Variants in ZEB2 observed in about 807,000 individuals in gnomAD.
ZEB2 encodes the protein zinc finger E-box binding homeobox 2, also known as zinc finger E-box-binding homeobox 2.
Under a neutral mutation model 99.9 loss-of-function variants are expected in ZEB2, and 6 were observed. That is an observed-to-expected ratio of 0.06 (90% CI 0.03 to 0.12). The LOEUF is 0.12. Ranked by LOEUF, ZEB2 falls within the 10% of genes least tolerant of loss-of-function variation. ZEB2 has a pLI of 1.00. For synonymous variants in ZEB2, 517 were observed against 542.5 expected (o/e 0.95, Z 0.65); for missense variants, 969 against 1,502.8 (o/e 0.64, Z 5.87).
intron 2 of ZEB2, chr2:144,496,256 A>G (rs1423422267): frequency 3.3e-5 from 5 of 152,194 alleles, no homozygotes; most frequent in South Asian, 4.1e-4. Context: ...AAGGCCGAGG[A>G]AGGCCTTAAT....
At chr2:144,397,842 T>C (rs777073160) in intron 8 of ZEB2, 4 of 294,612 alleles carry the variant, frequency 1.4e-5, no homozygotes, top group Non-Finnish European at 2.6e-5. Context: ...TGTTTTACCA[T>C]GTTGGCCAGG....
chr2:144,517,736 C>G, intron 1 of ZEB2: 2 of 699,970 alleles, frequency 2.9e-6, no homozygotes, highest in South Asian at 1.5e-5. Context: ...TGACTCAGGG[C>G]TAGGCGGACC....
chr2:144,394,908 A>G (rs1057089878), intron 9 of ZEB2, among the ~76,000 whole-genome samples: 4 of 151,914 alleles, frequency 2.6e-5, no homozygotes, highest in African/African-American at 9.7e-5. Context: ...AGTACTTCCC[A>G]AGGACAGTTT....
Position 144,396,487 on chromosome 2 carries a change from T to C in ZEB2, c.2992A>G (p.Met998Val). 6.2e-7 allele frequency: 1 copy of C among 1,614,178 alleles called. No individual in the cohort carries two copies. The highest frequency in any genetic ancestry group is 8.5e-7 in the Non-Finnish European group (1 of 1,180,006). Residue 998 changes from methionine to valine, a missense_variant, in exon 9 of 10, where the codon ATG becomes GTG. Physicochemically the swap from Met to Val is conservative, Grantham distance 21. Around this residue, in one of 8 missense-constraint regions of ZEB2, gnomAD observed 346 missense variants for 460.0 expected, o/e 0.75. Coordinates refer to ENST00000627532, the MANE Select transcript of ZEB2 (RefSeq NM_014795.4). ...RKKIKKTESG[M>V]YACDLCDKTF... ...TTGTCACATAAGTCACATGCATACATGCCACTCTCTGTCTTCTTGATCTTT... is the reference window on the plus strand; with the variant it reads ...TTGTCACATAAGTCACATGCATACACGCCACTCTCTGTCTTCTTGATCTTT...
At chr2:144,422,794 T>A (rs1223170658) in intron 4 of ZEB2, among the ~76,000 whole-genome samples, 1 of 151,478 alleles carries the variant, frequency 6.6e-6, no homozygotes, top group African/African-American at 2.5e-5. Flanking sequence ...AGTGACACTC[T>A]TGTCTCAAAC....
chr2:144,430,030 CAGA>C lies in ZEB2; in HGVS notation c.74-7_74-5del. On this transcript the variant is annotated splice_region_variant and splice_polypyrimidine_tract_variant and intron_variant, in intron 2 of 9. Coordinates refer to ENST00000627532, the MANE Select transcript of ZEB2 (RefSeq NM_014795.4). ...ACTACATTGTCATAGTTCACCACTGCAGAAGAAGCACAAAACACACTCTCTAAA... is the reference window on the plus strand; with the variant it reads ...ACTACATTGTCATAGTTCACCACTGCAGAAGCACAAAACACACTCTCTAAA... 1 of 1,612,336 alleles carries C rather than the reference CAGA, an allele frequency of 6.2e-7. No individual in the cohort carries two copies. The highest frequency in any genetic ancestry group is 8.5e-7 in the Non-Finnish European group (1 of 1,179,782).
intron 2 of ZEB2, among the ~76,000 whole-genome samples, chr2:144,456,571 A>G (rs1314288249): frequency 6.6e-6 from 1 of 152,116 alleles, no homozygotes; most frequent in Non-Finnish European, 1.5e-5. Context: ...ATTCTTTAAT[A>G]TACTGTGTAT....
At chr2:144,423,035 A>C (rs1703640704) in intron 4 of ZEB2, among the ~76,000 whole-genome samples, 1 of 152,184 alleles carries the variant, frequency 6.6e-6, no homozygotes, top group South Asian at 2.1e-4. Context: ...ACACTTATTG[A>C]TTTATTTATT....
chr2:144,424,714 T>C, intron 4 of ZEB2, 82 bp downstream of exon 4: 2 of 1,478,790 alleles, frequency 1.4e-6, no homozygotes, highest in Non-Finnish European at 1.9e-6. Flanking sequence ...TACAAATGGA[T>C]GTGTCACTGT....
intron 2 of ZEB2, among the ~76,000 whole-genome samples, chr2:144,515,706 C>T (rs148326640): frequency 6.6e-6 from 1 of 151,498 alleles, no homozygotes; most frequent in Admixed American, 6.6e-5. Flanking sequence ...GACTAAAATT[C>T]CTCTATCACT....
At chr2:144,498,871 C>G (rs923007850) in intron 2 of ZEB2, among the ~76,000 whole-genome samples, 5 of 152,160 alleles carry the variant, frequency 3.3e-5, no homozygotes, top group Non-Finnish European at 5.9e-5. Flanking sequence ...TGCCACTGCA[C>G]TCTAGTCTGA....
intron 4 of ZEB2, among the ~76,000 whole-genome samples, chr2:144,412,967 C>G (rs1442645925): frequency 2.6e-5 from 4 of 152,186 alleles, no homozygotes; most frequent in Non-Finnish European, 5.9e-5. Flanking sequence ...AGGCAAGGTT[C>G]AGGGTCCTTG....
At chr2:144,441,984 T>TCAGA (rs1278646752) in intron 2 of ZEB2, among the ~76,000 whole-genome samples, 1 of 152,160 alleles carries the variant, frequency 6.6e-6, no homozygotes, top group African/African-American at 2.4e-5. Context: ...CAAACACTTA[T>TCAGA]CAGAAGCCCT....
chr2:144,424,556 A>G, intron 4 of ZEB2: 2 of 639,900 alleles, frequency 3.1e-6, no homozygotes, highest in South Asian at 3.2e-5. Context: ...ATCCATTCAT[A>G]GAGTTCAGTA....
intron 2 of ZEB2, among the ~76,000 whole-genome samples, chr2:144,501,761 A>G (rs1025988252): frequency 5.9e-5 from 9 of 152,176 alleles, no homozygotes; most frequent in African/African-American, 2.2e-4. Context: ...CCCTATTAAT[A>G]TATTAAAAGC....
intron 2 of ZEB2, among the ~76,000 whole-genome samples, chr2:144,479,586 C>G (rs758642094): frequency 6.8e-6 from 1 of 146,222 alleles, no homozygotes; most frequent in Non-Finnish European, 1.5e-5. Flanking sequence ...TAAAGACTCC[C>G]AATTTATGGC....
intron 3 of ZEB2, among the ~76,000 whole-genome samples, chr2:144,425,828 G>T (rs1346721382): frequency 6.6e-6 from 1 of 151,992 alleles, no homozygotes; most frequent in South Asian, 2.1e-4. Flanking sequence ...GACCAAATAT[G>T]CTCCAGGATG....
chr2:144,442,343 A>T (rs762977012), intron 2 of ZEB2, among the ~76,000 whole-genome samples: 15 of 152,190 alleles, frequency 9.9e-5, no homozygotes, highest in Non-Finnish European at 1.8e-4. Context: ...TAAATTATTT[A>T]AAAAATTTAG....
At chr2:144,484,089 G>C (rs903873963) in intron 2 of ZEB2, among the ~76,000 whole-genome samples, 3 of 151,778 alleles carry the variant, frequency 2.0e-5, no homozygotes, top group Non-Finnish European at 4.4e-5. Flanking sequence ...TTTTCTTACG[G>C]AACTCAAAGT....
Sources: allele counts gnomAD v4.1 joint callset (sites outside exome capture counted in the v4.1 genomes callset), GRCh38; gene constraint gnomAD v4.1.1; regional missense constraint gnomAD v4.1.1; transcripts MANE v1.5; gene names NCBI Gene and HGNC (gene_info 2026-07-23, HGNC 2026-07-21).